The following MAGI1 variants were observed in gnomAD, a reference collection of about 807,000 sequenced individuals.
MAGI1 encodes the protein membrane associated guanylate kinase, WW and PDZ domain containing 1, also known as membrane-associated guanylate kinase, WW and PDZ domain-containing protein 1.
Under a neutral mutation model 139.9 loss-of-function variants are expected in MAGI1, and 58 were observed. The observed-to-expected ratio is 0.41, with a 90% confidence interval of 0.34 to 0.52. The LOEUF is 0.52. Among genes scored for constraint, MAGI1 ranks in the 20% least tolerant of loss-of-function variants. The probability of loss-of-function intolerance (pLI) is 0.12; values close to 1 mark genes in which losing one functional copy is unlikely to be tolerated. For synonymous variants in MAGI1, 812 were observed against 737.9 expected (o/e 1.10, Z -1.63); for missense variants, 1,874 against 1,901.6 (o/e 0.99, Z 0.27).
Position 65,375,791 on chromosome 3 carries a change from G to T in MAGI1, c.3150C>A (p.Ile1050=), listed in dbSNP as rs1275389105. 6.2e-7 allele frequency: 1 copy of T among 1,614,020 alleles called. No individual in the cohort carries two copies. Among genetic ancestry groups the T allele is most frequent in the Non-Finnish European group, 8.5e-7 (1 of 1,179,980 alleles). Residue 1050 remains isoleucine, a synonymous_variant, in exon 18 of 23, where the codon ATC becomes ATA. Transcript: ENST00000402939. ...NKSHSDIVNL[I]KEAGNTVTLR... ...GGGTAACTGTGTTTCCCGCTTCCTT[G>T]ATTAGGTTCACAATGTCTGAATGGG...
chr3:65,997,231 C>CT (rs976153976), intron 1 of MAGI1, among the ~76,000 whole-genome samples: 1 of 152,138 alleles, frequency 6.6e-6, no homozygotes, highest in African/African-American at 2.4e-5. Context: ...TGTGCAAGAC[C>CT]TTATACAAGA....
intron 2 of MAGI1, among the ~76,000 whole-genome samples, chr3:65,495,723 G>A (rs1302431139): frequency 6.6e-6 from 1 of 152,178 alleles, no homozygotes; most frequent in Non-Finnish European, 1.5e-5. Context: ...ACAGTGTCTT[G>A]GAGGGAGGGA....
intron 1 of MAGI1, among the ~76,000 whole-genome samples, chr3:65,849,516 AATATAC>A (rs1310780893): frequency 1.3e-5 from 2 of 149,816 alleles, no homozygotes; most frequent in Non-Finnish European, 3.0e-5. Context: ...TATATCATCA[AATATAC>A]ATATATATCA....
chr3:65,863,875 C>G (rs2372153), intron 1 of MAGI1, among the ~76,000 whole-genome samples: 65,119 of 151,936 alleles, frequency 0.43, 16,098 homozygotes, highest in African/African-American at 0.68. Flanking sequence ...TCTTCAGATT[C>G]TAGCTGAAGT....
intron 1 of MAGI1, among the ~76,000 whole-genome samples, chr3:65,940,825 T>C (rs1019323317): frequency 6.6e-6 from 1 of 152,148 alleles, no homozygotes; most frequent in Admixed American, 6.5e-5. Flanking sequence ...AGTTTGTTCA[T>C]AGCACGTTTC....
chr3:65,671,016 A>G (rs1489013666), intron 1 of MAGI1, among the ~76,000 whole-genome samples: 1 of 152,224 alleles, frequency 6.6e-6, no homozygotes, highest in Admixed American at 6.5e-5. Context: ...AATGATGTTA[A>G]TATTTATCAT....
At chr3:65,673,498 T>TA (rs1374365187) in intron 1 of MAGI1, among the ~76,000 whole-genome samples, 1 of 152,202 alleles carries the variant, frequency 6.6e-6, no homozygotes, top group Non-Finnish European at 1.5e-5. Flanking sequence ...CCCTGGGGCA[T>TA]ATTACCTTGG....
chr3:65,978,328 TG>T (rs1314534941), intron 1 of MAGI1, among the ~76,000 whole-genome samples: 1 of 152,194 alleles, frequency 6.6e-6, no homozygotes, highest in Non-Finnish European at 1.5e-5. Context: ...TGGAAGTTTG[TG>T]GCTCTAGAAT....
Position 65,364,668 on chromosome 3 carries a change from T to C in MAGI1, c.3348A>G (p.Thr1116=). ...AAAAAAGAGACATGGTGCTCACCTG[T>C]GTTGCTTGGGGTGCTTTGAACTCAA... ...SQFEFKAPQA[T]QEQDFYTVEL... is the part of the protein sequence containing the mutation. The change falls in exon 20 of 23, where the codon ACA becomes ACG. Residue 1116 remains threonine, a synonymous_variant. Coordinates refer to ENST00000402939, the MANE Select transcript of MAGI1 (RefSeq NM_001033057.2). 1 of 1,613,878 alleles carries C rather than the reference T, an allele frequency of 6.2e-7. No individual in the cohort carries two copies.
intron 5 of MAGI1, among the ~76,000 whole-genome samples, chr3:65,461,322 T>C (rs1405556535): frequency 6.6e-6 from 1 of 151,838 alleles, no homozygotes; most frequent in African/African-American, 2.4e-5. Context: ...TTCAAGCAAT[T>C]CTCCTGCCTC....
chr3:65,952,306 A>T (rs1036875203), intron 1 of MAGI1, among the ~76,000 whole-genome samples: 2 of 152,286 alleles, frequency 1.3e-5, no homozygotes, highest in African/African-American at 4.8e-5. Context: ...TTTGGTGTTC[A>T]TGACTCATAA....
intron 5 of MAGI1, among the ~76,000 whole-genome samples, chr3:65,462,747 T>C (rs1209642578): frequency 6.6e-6 from 1 of 152,204 alleles, no homozygotes; most frequent in Non-Finnish European, 1.5e-5. Context: ...TTCCTATCCA[T>C]GAGCATGGAA....
At chr3:65,790,560 G>C (rs188390040) in intron 1 of MAGI1, among the ~76,000 whole-genome samples, 2 of 152,082 alleles carry the variant, frequency 1.3e-5, no homozygotes, top group African/African-American at 2.4e-5. Flanking sequence ...ACAAAAAGAC[G>C]GCCTATTTTT....
At chr3:65,940,230 C>T (rs2063243305) in intron 1 of MAGI1, among the ~76,000 whole-genome samples, 1 of 152,124 alleles carries the variant, frequency 6.6e-6, no homozygotes, top group African/African-American at 2.4e-5. Context: ...GGAATGGCTG[C>T]TCAAAGAATT....
intron 1 of MAGI1, among the ~76,000 whole-genome samples, chr3:65,966,411 C>T (rs570338734): frequency 4.6e-5 from 7 of 152,294 alleles, no homozygotes; most frequent in Non-Finnish European, 8.8e-5. Flanking sequence ...TTAGGTGCGT[C>T]TACCTATTTG....
intron 1 of MAGI1, among the ~76,000 whole-genome samples, chr3:65,660,137 TAA>T (rs2086112861): frequency 6.6e-6 from 1 of 152,048 alleles, no homozygotes; most frequent in Non-Finnish European, 1.5e-5. Flanking sequence ...TTCTTAGAGG[TAA>T]AGGTAAAGTT....
At chr3:65,979,095 C>CCA (rs1553742296) in intron 1 of MAGI1, among the ~76,000 whole-genome samples, 2 of 57,750 alleles carry the variant, frequency 3.5e-5, no homozygotes, top group Non-Finnish European at 8.2e-5. Context: ...TCTTCCCCCC[C>CCA]CCCGCCACCC....
intron 1 of MAGI1, among the ~76,000 whole-genome samples, chr3:65,977,245 T>C (rs999204397): frequency 3.9e-5 from 6 of 152,152 alleles, no homozygotes; most frequent in Non-Finnish European, 8.8e-5. Context: ...ATGTGAAAGG[T>C]TGTCAACATC....
chr3:65,995,577 C>T (rs943359781), intron 1 of MAGI1, among the ~76,000 whole-genome samples: 1 of 151,772 alleles, frequency 6.6e-6, no homozygotes, highest in Non-Finnish European at 1.5e-5. Context: ...AAATGTATCA[C>T]GAGGCCCCAA....
Sources: allele counts gnomAD v4.1 joint callset (sites outside exome capture counted in the v4.1 genomes callset), GRCh38; gene constraint gnomAD v4.1.1; transcripts MANE v1.5; gene names NCBI Gene and HGNC (gene_info 2026-07-23, HGNC 2026-07-21).